The following COMMD1 variants were observed in gnomAD, a reference collection of about 807,000 sequenced individuals.
COMMD1 encodes copper metabolism domain containing 1, also known as COMM domain-containing protein 1.
Under a neutral mutation model 17.2 loss-of-function variants are expected in COMMD1, and 10 were observed. The ratio of observed to expected loss-of-function variants is 0.58; its 90% CI spans 0.36 to 0.99. The LOEUF is 0.99. Among genes scored for constraint, COMMD1 ranks in the 50% least tolerant of loss-of-function variants. The pLI is 0.01. For missense variants in COMMD1, 270 were observed against 231.8 expected (o/e 1.17, Z -1.07); for synonymous variants, 97 against 91.6 (o/e 1.06, Z -0.34).
At chr2:62,085,854 G>A (rs1405492552) in intron 2 of COMMD1, among the ~76,000 whole-genome samples, 6 of 152,122 alleles carry the variant, frequency 3.9e-5, no homozygotes, top group South Asian at 2.1e-4. Flanking sequence ...GGTGGCGGGC[G>A]CCTGTCCCAG....
chr2:62,097,317 G>T (rs538169255), intron 2 of COMMD1, among the ~76,000 whole-genome samples: 1 of 152,230 alleles, frequency 6.6e-6, no homozygotes, highest in African/African-American at 2.4e-5. Flanking sequence ...AAGGCTTCAG[G>T]TCTTCGGGGC....
chr2:62,095,788 A>G (rs1671984469), intron 2 of COMMD1, among the ~76,000 whole-genome samples: 1 of 144,140 alleles, frequency 6.9e-6, no homozygotes, highest in Non-Finnish European at 1.5e-5. Context: ...TATGTTGTGT[A>G]GTCAAGTTTC....
At chr2:61,913,304 T>C (rs1572955178) in intron 1 of COMMD1, among the ~76,000 whole-genome samples, 1 of 143,250 alleles carries the variant, frequency 7.0e-6, no homozygotes, top group Non-Finnish European at 1.5e-5. Flanking sequence ...GAGGCGGAGG[T>C]TGTGGTGAGC....
At chr2:62,053,065 G>C (rs1670585231) in intron 2 of COMMD1, among the ~76,000 whole-genome samples, 1 of 152,154 alleles carries the variant, frequency 6.6e-6, no homozygotes, top group Admixed American at 6.5e-5. Flanking sequence ...AGGTGACAGA[G>C]AGATCCTGTC....
At chr2:62,012,954 C>A (rs986140679) in intron 2 of COMMD1, among the ~76,000 whole-genome samples, 2 of 152,064 alleles carry the variant, frequency 1.3e-5, no homozygotes, top group African/African-American at 4.8e-5. Flanking sequence ...CCAGGAAGAT[C>A]TGGGGGCACA....
chr2:62,081,477 C>T (rs1031577858), intron 2 of COMMD1, among the ~76,000 whole-genome samples: 9 of 152,104 alleles, frequency 5.9e-5, no homozygotes, highest in South Asian at 2.1e-4. Flanking sequence ...CTTGAACTCC[C>T]GACCTCAGGT....
At chr2:62,038,300 C>T (rs1670093827) in intron 2 of COMMD1, among the ~76,000 whole-genome samples, 1 of 151,794 alleles carries the variant, frequency 6.6e-6, no homozygotes, top group Non-Finnish European at 1.5e-5. Context: ...ACAGCAACAG[C>T]AACAAACAAC....
chr2:61,961,653 T>G (rs1417226934), intron 1 of COMMD1, among the ~76,000 whole-genome samples: 1 of 152,218 alleles, frequency 6.6e-6, no homozygotes, highest in African/African-American at 2.4e-5. Flanking sequence ...TTTTTCCCTC[T>G]TCTAATTTTG....
intron 1 of COMMD1, among the ~76,000 whole-genome samples, chr2:61,950,449 A>T (rs930755683): frequency 1.3e-5 from 2 of 152,234 alleles, no homozygotes; most frequent in Non-Finnish European, 2.9e-5. Flanking sequence ...ATAGTCAGAG[A>T]TAAAAGGTTT....
intron 1 of COMMD1, among the ~76,000 whole-genome samples, chr2:61,916,602 T>A (rs546541692): frequency 2.3e-4 from 35 of 151,164 alleles, no homozygotes; most frequent in South Asian, 4.2e-4. Flanking sequence ...AAAAAAAAAA[T>A]TTTTTTTAGC....
At chr2:62,001,205 A>G (rs1230914640) in intron 2 of COMMD1, 8 of 536,474 alleles carry the variant, frequency 1.5e-5, no homozygotes, top group African/African-American at 1.3e-4. Flanking sequence ...AGAAGAACAG[A>G]ATGGGCCAAT....
intron 1 of COMMD1, among the ~76,000 whole-genome samples, chr2:61,944,924 C>T (rs1440704309): frequency 2.0e-5 from 3 of 152,104 alleles, no homozygotes; most frequent in Non-Finnish European, 2.9e-5. Flanking sequence ...ACAGAAACCA[C>T]GTGCATGGTT....
upstream of COMMD1, among the ~76,000 whole-genome samples, chr2:61,905,490 G>A (rs896746116): frequency 6.6e-6 from 1 of 152,232 alleles, no homozygotes; most frequent in African/African-American, 2.4e-5. Context: ...GGATATTTCC[G>A]TGGAGGTATC....
chr2:61,939,559 A>C (rs1021531932), intron 1 of COMMD1, among the ~76,000 whole-genome samples: 1 of 152,094 alleles, frequency 6.6e-6, no homozygotes, highest in Non-Finnish European at 1.5e-5. Context: ...ATGCTATTTT[A>C]GTCAAAGTCT....
At chr2:61,921,118 C>T (rs2105193420) in intron 1 of COMMD1, among the ~76,000 whole-genome samples, 2 of 151,432 alleles carry the variant, frequency 1.3e-5, no homozygotes, top group East Asian at 3.9e-4. Flanking sequence ...GCTGGTTCTA[C>T]AGGTGCGTGC....
intron 1 of COMMD1, among the ~76,000 whole-genome samples, chr2:61,941,836 A>G (rs1462012588): frequency 1.3e-5 from 2 of 152,198 alleles, no homozygotes; most frequent in African/African-American, 4.8e-5. Flanking sequence ...TTTCTCCAGA[A>G]TCTGATGATA....
At chr2:61,889,236 T>C (rs1437666217) in intron 1 of COMMD1, among the ~76,000 whole-genome samples, 2 of 106,050 alleles carry the variant, frequency 1.9e-5, no homozygotes, top group Non-Finnish European at 3.7e-5. Context: ...TGACAGAGTC[T>C]CGCTCTGTCG....
At chr2:62,111,412 A>G (rs565352363) in intron 2 of COMMD1, among the ~76,000 whole-genome samples, 1 of 152,346 alleles carries the variant, frequency 6.6e-6, no homozygotes, top group African/African-American at 2.4e-5. Flanking sequence ...AAGAATGGAC[A>G]GTTGCGTAGA....
chr2:62,022,496 TGAGGC>T, intron 2 of COMMD1, among the ~76,000 whole-genome samples: 1 of 150,514 alleles, frequency 6.6e-6, no homozygotes, highest in Non-Finnish European at 1.5e-5. Flanking sequence ...CAGTGTATGT[TGAGGC>T]ACTTGGTAAA....
Sources: gnomAD v4.1 joint callset for allele counts (sites outside exome capture counted in the v4.1 genomes callset) on GRCh38, gnomAD v4.1.1 for gene constraint, MANE v1.5 for transcripts, NCBI Gene and HGNC (gene_info 2026-07-23, HGNC 2026-07-21) for gene names.